Variants in TFCP2 observed in about 807,000 individuals in gnomAD.
TFCP2 encodes the protein alpha-globin transcription factor CP2.
A neutral mutation model predicts 73.4 loss-of-function variants in TFCP2; 33 were observed. The observed-to-expected ratio is 0.45, with a 90% CI of 0.34 to 0.60. The LOEUF is 0.60. Ranked by LOEUF, TFCP2 falls within the 20% of genes least tolerant of loss-of-function variation. The probability of loss-of-function intolerance (pLI) is 0.01; values close to 1 mark genes in which losing one functional copy is unlikely to be tolerated. For missense variants in TFCP2, 352 were observed against 604.0 expected (o/e 0.58, Z 4.37); for synonymous variants, 193 against 211.6 (o/e 0.91, Z 0.76).
intron 1 of TFCP2, among the ~76,000 whole-genome samples, chr12:51,157,831 T>C (rs1230449188): frequency 6.6e-6 from 1 of 151,234 alleles, no homozygotes; most frequent in African/African-American, 2.4e-5. Context: ...GCTGGGATCA[T>C]AGGCGTGTAC....
chr12:51,150,086 T>C (rs964171249), intron 1 of TFCP2, among the ~76,000 whole-genome samples: 5 of 152,196 alleles, frequency 3.3e-5, no homozygotes, highest in Non-Finnish European at 2.9e-5. Flanking sequence ...ATTCTCAGCA[T>C]GTCTTTATAT....
chr12:51,161,779 A>G (rs1019819976), intron 1 of TFCP2, among the ~76,000 whole-genome samples: 33 of 148,694 alleles, frequency 2.2e-4, no homozygotes, highest in East Asian at 5.8e-4. Flanking sequence ...AAAAAAAAAA[A>G]AAAAGAAATT....
intron 8 of TFCP2, among the ~76,000 whole-genome samples, chr12:51,105,283 G>A (rs971944715): frequency 1.3e-5 from 2 of 150,702 alleles, no homozygotes; most frequent in African/African-American, 4.9e-5. Flanking sequence ...TAGTAGAGAC[G>A]GGGTTTCACC....
chr12:51,104,044 T>C, intron 9 of TFCP2, 111 bp downstream of exon 9: 1 of 1,099,066 alleles, frequency 9.1e-7, no homozygotes, highest in South Asian at 1.3e-5. Flanking sequence ...AATGTTTGTT[T>C]AATGAATGAA....
intron 1 of TFCP2, among the ~76,000 whole-genome samples, chr12:51,167,273 C>T (rs2640518): frequency 0.84 from 127,255 of 152,146 alleles, 53,521 homozygotes; most frequent in Non-Finnish European, 0.89. Flanking sequence ...ATGAAACCAT[C>T]ATAAGATGCA....
intron 1 of TFCP2, among the ~76,000 whole-genome samples, chr12:51,152,782 C>T (rs1157297138): frequency 1.3e-5 from 2 of 152,178 alleles, no homozygotes; most frequent in Non-Finnish European, 2.9e-5. Context: ...TTTTTCCCAA[C>T]TGCTTTTTAT....
In TFCP2 at chr12:51,110,931, T is replaced by G. The variant is rs765505719; in HGVS notation, c.510A>C (p.Leu170=). ...IIDPRANPTQ[L]NTVEFLWDPA... Reference sequence around the variant, plus strand: ...GGTCCCACAGGAACTCCACTGTATTTAGTTGAGTTGGATTAGCCCTAGGAT... The same window carrying G: ...GGTCCCACAGGAACTCCACTGTATTGAGTTGAGTTGGATTAGCCCTAGGAT... Residue 170 remains leucine, a synonymous_variant, in exon 5 of 15, where the codon CTA becomes CTC. Coordinates refer to ENST00000257915, the MANE Select transcript of TFCP2 (RefSeq NM_005653.5). 2.7e-5 allele frequency: 43 copies of G among 1,613,958 alleles called. No homozygotes were observed. The highest frequency in any genetic ancestry group is 3.5e-5 in the Non-Finnish European group (41 of 1,179,982).
chr12:51,111,070 T>A, intron 4 of TFCP2, 87 bp from the exon 5 acceptor site: 2 of 909,890 alleles, frequency 2.2e-6, no homozygotes, highest in Non-Finnish European at 3.6e-6. Context: ...TTACTCAATG[T>A]AGCTACCAAG....
chr12:51,097,336 C>A (rs1286642425), intron 13 of TFCP2, among the ~76,000 whole-genome samples: 2 of 152,106 alleles, frequency 1.3e-5, no homozygotes, highest in African/African-American at 4.8e-5. Flanking sequence ...GCAACCTCTG[C>A]CTCTCGGGTT....
intron 5 of TFCP2, among the ~76,000 whole-genome samples, chr12:51,109,813 G>A (rs967620774): frequency 2.0e-5 from 3 of 150,854 alleles, no homozygotes; most frequent in Non-Finnish European, 4.4e-5. Context: ...CCACCTCCCC[G>A]GTTCAAGCAA....
chr12:51,099,064 G>A (rs560301537), intron 12 of TFCP2, 146 bp from the exon 13 acceptor site: 1 of 841,232 alleles, frequency 1.2e-6, no homozygotes, highest in African/African-American at 1.7e-5. Context: ...TTGCAGCTGT[G>A]TGACCTAGGG....
At chr12:51,144,212 T>C (rs1941244415) in intron 1 of TFCP2, among the ~76,000 whole-genome samples, 1 of 152,050 alleles carries the variant, frequency 6.6e-6, no homozygotes, top group Non-Finnish European at 1.5e-5. Context: ...TTTCAATTTT[T>C]TTGTAGAGAT....
chr12:51,136,812 A>C (rs1011441411), intron 1 of TFCP2, among the ~76,000 whole-genome samples: 1 of 152,102 alleles, frequency 6.6e-6, no homozygotes, highest in Admixed American at 6.6e-5. Context: ...GGTGGCATGC[A>C]CCTGTAGCCC....
chr12:51,146,319 T>C (rs1257208272), intron 1 of TFCP2, among the ~76,000 whole-genome samples: 1 of 151,564 alleles, frequency 6.6e-6, no homozygotes, highest in African/African-American at 2.4e-5. Context: ...AAAAAAAAAT[T>C]AATAAAATAT....
At chr12:51,155,848 C>T (rs567512281) in intron 1 of TFCP2, among the ~76,000 whole-genome samples, 8 of 152,262 alleles carry the variant, frequency 5.3e-5, no homozygotes, top group African/African-American at 1.9e-4. Context: ...TTGAGACCAG[C>T]CTGGCCAACA....
intron 1 of TFCP2, among the ~76,000 whole-genome samples, chr12:51,132,357 C>CTTTTTGTTTTTTTTTT: frequency 1.6e-5 from 1 of 61,762 alleles, no homozygotes; most frequent in Non-Finnish European, 2.9e-5. Context: ...AGGGATTAGT[C>CTTTTTGTTTTTTTTTT]TTTTTTTTTT....
chr12:51,170,576 C>G (rs1941839958), intron 1 of TFCP2, among the ~76,000 whole-genome samples: 1 of 151,936 alleles, frequency 6.6e-6, no homozygotes, highest in African/African-American at 2.4e-5. Context: ...CCTCCAGTCT[C>G]CACCCCCCAA....
chr12:51,100,030 A>C (rs936087022), intron 11 of TFCP2, among the ~76,000 whole-genome samples: 1 of 152,132 alleles, frequency 6.6e-6, no homozygotes, highest in African/African-American at 2.4e-5. Flanking sequence ...CTGAAGACTC[A>C]GATCTAGCAA....
intron 14 of TFCP2, 59 bp downstream of exon 14, chr12:51,095,930 T>C (rs556726873): frequency 2.9e-6 from 4 of 1,374,392 alleles, no homozygotes; most frequent in African/African-American, 2.8e-5. Flanking sequence ...GTATGTACTT[T>C]GCCTAGTAGT....
Sources: allele counts gnomAD v4.1 joint callset (sites outside exome capture counted in the v4.1 genomes callset), GRCh38; gene constraint gnomAD v4.1.1; transcripts MANE v1.5; gene names NCBI Gene and HGNC (gene_info 2026-07-23, HGNC 2026-07-21).